MBD5: variants seen among roughly 807,000 people sequenced by gnomAD.
The protein encoded by MBD5 is methyl-CpG binding domain protein 5.
MBD5 carries 13 observed loss-of-function variants against 117.3 expected under a neutral mutation model. That is an observed-to-expected ratio of 0.11 (90% CI 0.07 to 0.18). MBD5 has a LOEUF of 0.18. MBD5 is among the 10% of genes least tolerant of loss of function. The pLI, the probability that MBD5 is intolerant of heterozygous loss-of-function variation, is 1.00. For missense variants in MBD5, 1,879 were observed against 2,093.8 expected, an observed-to-expected ratio of 0.90 and a Z score of 2.00; for synonymous variants, 727 against 766.4, an observed-to-expected ratio of 0.95 and a Z score of 0.85.
At chr2:148,436,127 G>C (rs1333986266) in intron 4 of MBD5, among the ~76,000 whole-genome samples, 2 of 152,240 alleles carry the variant, frequency 1.3e-5, no homozygotes, top group East Asian at 3.9e-4. Context: ...ATGGATTTAT[G>C]ATACCAAGCT....
chr2:148,207,188 A>G (rs1415054751), intron 2 of MBD5, among the ~76,000 whole-genome samples: 2 of 152,274 alleles, frequency 1.3e-5, no homozygotes, highest in South Asian at 2.1e-4. Context: ...CTATTGTCCA[A>G]TCTGGTAAAT....
intron 4 of MBD5, among the ~76,000 whole-genome samples, chr2:148,379,434 G>GA (rs1230935376): frequency 1.3e-5 from 2 of 151,596 alleles, no homozygotes; most frequent in Admixed American, 1.3e-4. Flanking sequence ...AGCCAAGGAT[G>GA]AAAAAAAGAT....
intron 8 of MBD5, among the ~76,000 whole-genome samples, chr2:148,479,555 A>G (rs1001276185): frequency 1.3e-5 from 2 of 152,182 alleles, no homozygotes; most frequent in Admixed American, 1.3e-4. Context: ...GTTTAGAAAG[A>G]TGATTTCAAA....
At chr2:148,502,542 TC>T in intron 12 of MBD5, 33 bp downstream of exon 12, 1 of 1,588,100 alleles carries the variant, frequency 6.3e-7, no homozygotes, top group Non-Finnish European at 8.6e-7. Flanking sequence ...ACTTTGTTTT[TC>T]CAGGATATAA....
In MBD5 at chr2:148,145,756, A is replaced by G. The variant is rs186160925; in HGVS notation, c.-924-32944A>G. ...CTTATGTGATGGATTACATTTATTG[A>G]TTTGCATATGTCGAACCAGCCTTGC... On this transcript the variant is annotated intron_variant, in intron 1 of 13. Coordinates refer to ENST00000642680, the MANE Select transcript of MBD5 (RefSeq NM_001378120.1). Among the ~76,000 whole-genome samples the G allele has an allele frequency of 2.6e-3, 392 of 152,228 alleles. 4 individuals carry two copies. The highest frequency in any genetic ancestry group is 3.4e-3 in the Middle Eastern group (1 of 294).
At chr2:148,381,983 G>A (rs191179428) in intron 4 of MBD5, among the ~76,000 whole-genome samples, 1,893 of 152,200 alleles carry the variant, frequency 0.012, 42 homozygotes, top group African/African-American at 0.043. Flanking sequence ...AGGAACAACC[G>A]GTACTAGCCA....
chr2:148,295,475 T>G (rs1231862400), intron 3 of MBD5, among the ~76,000 whole-genome samples: 1 of 152,190 alleles, frequency 6.6e-6, no homozygotes. Flanking sequence ...TTTCTATTTC[T>G]TGAAAAATTG....
chr2:148,204,703 T>C (rs924694612), intron 2 of MBD5, among the ~76,000 whole-genome samples: 7 of 152,236 alleles, frequency 4.6e-5, no homozygotes, highest in Middle Eastern at 3.2e-3. Flanking sequence ...GTTTAATATT[T>C]TAAATTTAGC....
intron 1 of MBD5, among the ~76,000 whole-genome samples, chr2:148,159,930 A>T (rs933361045): frequency 6.6e-6 from 1 of 152,182 alleles, no homozygotes; most frequent in African/African-American, 2.4e-5. Context: ...ACCCTTCTTA[A>T]CATGGTGTTT....
intron 2 of MBD5, among the ~76,000 whole-genome samples, chr2:148,186,637 G>A (rs762485315): frequency 1.1e-4 from 16 of 152,264 alleles, no homozygotes; most frequent in South Asian, 2.1e-4. Context: ...ACATTTTGCC[G>A]TTGTGATTTG....
intron 1 of MBD5, among the ~76,000 whole-genome samples, chr2:148,152,079 G>C (rs375936370): frequency 4.0e-4 from 61 of 151,736 alleles, no homozygotes; most frequent in African/African-American, 1.4e-3. Context: ...TGGGCATTTA[G>C]TGCTATAAAT....
chr2:148,071,539 A>G (rs1695359586), intron 1 of MBD5: 1 of 152,208 alleles, frequency 6.6e-6, no homozygotes, highest in Non-Finnish European at 1.5e-5. Context: ...CAGTCATTAA[A>G]TTATAGACTT....
chr2:148,376,835 A>ATACAT (rs368350326), intron 4 of MBD5, among the ~76,000 whole-genome samples: 1 of 135,004 alleles, frequency 7.4e-6, no homozygotes, highest in Admixed American at 8.1e-5. Context: ...TATATATAAC[A>ATACAT]TATATATAAT....
At chr2:148,038,683 G>A (rs973737652) in intron 1 of MBD5, among the ~76,000 whole-genome samples, 2 of 151,756 alleles carry the variant, frequency 1.3e-5, no homozygotes, top group African/African-American at 4.8e-5. Flanking sequence ...TAATAAGTTA[G>A]AAAGCATATC....
At chr2:148,239,686 TACACACACACACACACAC>T (rs34980624) in intron 3 of MBD5, among the ~76,000 whole-genome samples, 1 of 141,478 alleles carries the variant, frequency 7.1e-6, no homozygotes, top group Admixed American at 7.1e-5. Context: ...TTTATTTACT[TACACACACACACACACAC>T]ACACACACAC....
At chr2:148,116,850 C>A (rs1229236653) in intron 1 of MBD5, among the ~76,000 whole-genome samples, 1 of 152,106 alleles carries the variant, frequency 6.6e-6, no homozygotes, top group Non-Finnish European at 1.5e-5. Flanking sequence ...TGCTTTCTTG[C>A]CCTTCTGCAG....
chr2:148,492,986 T>G (rs1559101115), intron 11 of MBD5, among the ~76,000 whole-genome samples: 2 of 151,150 alleles, frequency 1.3e-5, no homozygotes. Flanking sequence ...GAATGTTGGA[T>G]AAAGCCTTAC....
chr2:148,071,274 ATATGTGTGTGTGTGTGTGTGTG>A (rs1367863815), intron 1 of MBD5: 2 of 134,942 alleles, frequency 1.5e-5, no homozygotes, highest in Admixed American at 7.4e-5. Context: ...ATATATCTGT[ATATGTGTGTGTGTGTGTGTGTG>A]TGTGTGTGTG....
intron 2 of MBD5, chr2:148,220,018 G>A (rs779750878): frequency 6.6e-6 from 1 of 152,126 alleles, no homozygotes; most frequent in Non-Finnish European, 1.5e-5. Flanking sequence ...AGGATGGATA[G>A]ATGAATAATA....
Sources: allele counts gnomAD v4.1 joint callset (sites outside exome capture counted in the v4.1 genomes callset), GRCh38; gene constraint gnomAD v4.1.1; transcripts MANE v1.5; gene names NCBI Gene and HGNC (gene_info 2026-07-23, HGNC 2026-07-21).